Variants in CRB1 observed in about 807,000 individuals in gnomAD.
CRB1 encodes crumbs cell polarity complex component 1.
In CRB1, 83 loss-of-function variants were observed where a neutral mutation model predicts 120.0. The ratio of observed to expected loss-of-function variants is 0.69; its 90% CI spans 0.58 to 0.83. CRB1 has a LOEUF of 0.83. Ranked by LOEUF, CRB1 falls within the 40% of genes least tolerant of loss-of-function variation. The pLI, the probability that CRB1 is intolerant of heterozygous loss-of-function variation, is 0.00. For synonymous variants in CRB1, 625 were observed against 612.5 expected (o/e 1.02, Z -0.30); for missense variants, 1,699 against 1,687.6 (o/e 1.01, Z -0.12).
At chr1:197,244,181 G>T in the CRB1 span, among the ~76,000 whole-genome samples, 2 of 152,142 alleles carry the variant, frequency 1.3e-5, no homozygotes, top group East Asian at 3.9e-4. Flanking sequence ...TACATTTAAG[G>T]TTAATATTGT....
At chr1:197,320,889 A>C (rs1201984108) in intron 1 of CRB1, among the ~76,000 whole-genome samples, 1 of 152,206 alleles carries the variant, frequency 6.6e-6, no homozygotes, top group East Asian at 1.9e-4. Context: ...CATTTTCTAC[A>C]GTAGAGCCAT....
At chr1:197,251,441 A>G in the CRB1 span, among the ~76,000 whole-genome samples, 15 of 152,118 alleles carry the variant, frequency 9.9e-5, no homozygotes, top group African/African-American at 3.6e-4. Context: ...CTTGTATATC[A>G]TGTAATTGCG....
intron 1 of CRB1, among the ~76,000 whole-genome samples, chr1:197,298,005 G>T (rs551774787): frequency 6.6e-6 from 1 of 152,124 alleles, no homozygotes; most frequent in East Asian, 1.9e-4. Flanking sequence ...AGAATAGATG[G>T]TGAACATAGA....
chr1:197,472,490 AT>A (rs1291222232), intron 11 of CRB1, among the ~76,000 whole-genome samples: 1 of 152,176 alleles, frequency 6.6e-6, no homozygotes, highest in African/African-American at 2.4e-5. Flanking sequence ...TCACTTGGGA[AT>A]GTGAGGTTAC....
chr1:197,417,743 G>C (rs1021393670), intron 5 of CRB1, among the ~76,000 whole-genome samples: 2 of 152,144 alleles, frequency 1.3e-5, no homozygotes, highest in African/African-American at 4.8e-5. Context: ...TATCAGTCAA[G>C]TGAATAATTT....
At chr1:197,399,063 A>G (rs1386944976) in intron 5 of CRB1, among the ~76,000 whole-genome samples, 1 of 152,064 alleles carries the variant, frequency 6.6e-6, no homozygotes, top group Non-Finnish European at 1.5e-5. Context: ...TGCAATGCTC[A>G]CCTTCTTCAT....
At chr1:197,449,805 A>G (rs2125527157) in intron 11 of CRB1, among the ~76,000 whole-genome samples, 2 of 152,316 alleles carry the variant, frequency 1.3e-5, no homozygotes, top group Admixed American at 1.3e-4. Context: ...CTTGGAGTGT[A>G]CGCTACATGG....
Position 197,421,447 on chromosome 1 carries a change from G to A in CRB1, c.1619G>A (p.Gly540Asp), listed in dbSNP as rs1257947496. The A allele has an allele frequency of 6.2e-7, 1 of 1,614,174 alleles. No homozygotes were observed. The highest frequency in any genetic ancestry group is 1.1e-5 in the South Asian group (1 of 91,086). The part of the protein sequence containing the change: ...DVFVKLELLS[G>D]YIHLSIQVNN... ...TTTGTGAAGCTGGAGCTGCTAAGTGGCTACATTCACTTATCAATTCAGGTC... is the reference window on the plus strand; with the variant it reads ...TTTGTGAAGCTGGAGCTGCTAAGTGACTACATTCACTTATCAATTCAGGTC... Residue 540 changes from glycine to aspartate, a missense_variant, in exon 6 of 12, where the codon GGC (glycine) becomes GAC (aspartate). By Grantham distance (94) the Gly-to-Asp change is moderately conservative (BLOSUM62 -1). Coordinates refer to ENST00000367400, the MANE Select transcript of CRB1 (RefSeq NM_201253.3).
chr1:197,389,614 G>T lies in CRB1; in HGVS notation c.1172-31386G>T, dbSNP rs190424479. 4.2e-3 allele frequency among the ~76,000 whole-genome samples: 642 copies of T among 152,184 alleles called. 4 individuals carry two copies. The highest frequency in any genetic ancestry group is 0.013 in the African/African-American group (559 of 41,526). On this transcript the variant is annotated intron_variant, in intron 5 of 11. Transcript: ENST00000367400. ...GAAAAAGTTCTGGAGATGGATGGTG[G>T]TGACGGTTACACAGCAACGTGAATG...
At chr1:197,411,045 T>C (rs1276437889) in intron 5 of CRB1, among the ~76,000 whole-genome samples, 1 of 152,246 alleles carries the variant, frequency 6.6e-6, no homozygotes, top group Non-Finnish European at 1.5e-5. Context: ...TTTAGCTACA[T>C]GAAGACCCTT....
chr1:197,326,627 T>C (rs1447651375), intron 1 of CRB1, among the ~76,000 whole-genome samples: 1 of 151,908 alleles, frequency 6.6e-6, no homozygotes. Context: ...CAAGACTCTG[T>C]CTCAAAATAA....
the CRB1 span, among the ~76,000 whole-genome samples, chr1:197,219,606 G>A: frequency 1.3e-5 from 2 of 152,170 alleles, no homozygotes; most frequent in African/African-American, 2.4e-5. Flanking sequence ...AAGTCATGTC[G>A]CACAGCGAAT....
At chr1:197,307,879 CAA>C (rs1446200050) in intron 1 of CRB1, among the ~76,000 whole-genome samples, 1 of 152,172 alleles carries the variant, frequency 6.6e-6, no homozygotes, top group African/African-American at 2.4e-5. Flanking sequence ...TGACCTTGAA[CAA>C]GTTACTTAAA....
intron 4 of CRB1, among the ~76,000 whole-genome samples, chr1:197,355,008 A>G (rs1485600263): frequency 6.6e-6 from 1 of 151,538 alleles, no homozygotes; most frequent in Non-Finnish European, 1.5e-5. Context: ...TGTATTTACA[A>G]TCCCTTAGCC....
intron 11 of CRB1, among the ~76,000 whole-genome samples, chr1:197,454,256 C>G (rs1313802889): frequency 9.3e-6 from 1 of 107,982 alleles, no homozygotes; most frequent in Non-Finnish European, 1.9e-5. Flanking sequence ...AATGATCTTA[C>G]CACAATTTTT....
the CRB1 span, among the ~76,000 whole-genome samples, chr1:197,252,578 A>ATG: frequency 2.1e-3 from 59 of 28,672 alleles, no homozygotes; most frequent in African/African-American, 3.0e-3. Context: ...ATATATATAT[A>ATG]TATATGTGTG....
intron 10 of CRB1, chr1:197,441,274 CAG>C (rs1281037726): frequency 6.6e-6 from 1 of 152,182 alleles, no homozygotes; most frequent in Non-Finnish European, 1.5e-5. Context: ...AAGGTCTTAG[CAG>C]AGTGTTTGTC....
At chr1:197,291,394 G>A (rs1338034371) in intron 1 of CRB1, among the ~76,000 whole-genome samples, 1 of 151,700 alleles carries the variant, frequency 6.6e-6, no homozygotes, top group Non-Finnish European at 1.5e-5. Flanking sequence ...TAATATTTCA[G>A]TATTTCCTTA....
At position 197,429,607 on chromosome 1, in the gene CRB1, A is replaced by G. The variant is rs1462992027; in HGVS notation, c.2835A>G (p.Gly945=). ...CCCAGTGCCAGCCGGTGCTTCAAGGATTTGAATGTAGGTAGAGTTCAAACC... is the reference window on the plus strand; with the variant it reads ...CCCAGTGCCAGCCGGTGCTTCAAGGGTTTGAATGTAGGTAGAGTTCAAACC... ...HGAQCQPVLQ[G]FECIANAVFN... Residue 945 remains glycine (G), a synonymous_variant, in exon 8 of 12, where the codon GGA becomes GGG. Transcript: ENST00000367400. The G allele has an allele frequency of 6.2e-7, 1 of 1,613,952 alleles. No individual in the cohort carries two copies. The highest frequency in any genetic ancestry group is 8.5e-7 in the Non-Finnish European group (1 of 1,179,906).
Sources: gnomAD v4.1 joint callset for allele counts (sites outside exome capture counted in the v4.1 genomes callset) on GRCh38, gnomAD v4.1.1 for gene constraint, MANE v1.5 for transcripts, NCBI Gene and HGNC (gene_info 2026-07-23, HGNC 2026-07-21) for gene names.